SLC35F3: variants seen among roughly 807,000 people sequenced by gnomAD.
The protein encoded by SLC35F3 is putative thiamine transporter SLC35F3.
In SLC35F3, 25 loss-of-function variants were observed where a neutral mutation model predicts 49.9. The observed-to-expected ratio is 0.50, with a 90% CI of 0.37 to 0.70. The LOEUF (loss-of-function observed/expected upper bound fraction) is 0.70, where lower values mean the gene tolerates loss of function less well. Ranked by LOEUF, SLC35F3 falls within the 30% of genes least tolerant of loss-of-function variation. The probability of loss-of-function intolerance (pLI) is 0.00; values close to 1 mark genes in which losing one functional copy is unlikely to be tolerated. For missense variants in SLC35F3, 525 were observed against 639.8 expected (o/e 0.82, Z 1.94); for synonymous variants, 275 against 265.4 (o/e 1.04, Z -0.35).
rs545865834 is a variant in SLC35F3, at chr1:234,136,493, G to A, written c.284-94924G>A. On this transcript the variant is annotated intron_variant, in intron 2 of 7. Transcript: ENST00000366618. ...CTCAAGTAGCTGGGATTACAAGCAT[G>A]TACCACAGCACCCAGCTCCCTTTAT... 1.5e-4 allele frequency among the ~76,000 whole-genome samples: 23 copies of A among 152,130 alleles called. 1 individual carries two copies. The South Asian group carries it at 4.8e-3, about 32-fold the overall frequency.
At chr1:234,306,232 C>G (rs1303003070) in intron 3 of SLC35F3, among the ~76,000 whole-genome samples, 1 of 152,164 alleles carries the variant, frequency 6.6e-6, no homozygotes. Flanking sequence ...GCAATCTCAG[C>G]TCACTGCAAC....
intron 2 of SLC35F3, among the ~76,000 whole-genome samples, chr1:233,995,777 G>A (rs1347848070): frequency 6.6e-6 from 1 of 152,138 alleles, no homozygotes; most frequent in African/African-American, 2.4e-5. Context: ...AAGTCAGTGA[G>A]CCTGTGGACT....
intron 2 of SLC35F3, among the ~76,000 whole-genome samples, chr1:234,178,501 A>G (rs1310101574): frequency 6.6e-6 from 1 of 151,294 alleles, no homozygotes; most frequent in Non-Finnish European, 1.5e-5. Context: ...TTTTAGGTTC[A>G]CAGCAAAACT....
At chr1:234,148,620 T>C (rs978447812) in intron 2 of SLC35F3, among the ~76,000 whole-genome samples, 6 of 152,184 alleles carry the variant, frequency 3.9e-5, no homozygotes, top group African/African-American at 1.4e-4. Flanking sequence ...TGATGATTTA[T>C]TTAGAAAAGA....
chr1:234,274,612 G>C (rs1224231001), intron 3 of SLC35F3: 2 of 152,242 alleles, frequency 1.3e-5, no homozygotes, highest in Non-Finnish European at 2.9e-5. Flanking sequence ...AGGGCTCCCT[G>C]CTGACAGTAG....
chr1:234,242,945 A>G (rs575959914), intron 3 of SLC35F3, among the ~76,000 whole-genome samples: 1 of 152,346 alleles, frequency 6.6e-6, no homozygotes, highest in East Asian at 1.9e-4. Context: ...GAACTTTGTC[A>G]AAGAAAGACT....
At chr1:234,074,958 T>G (rs992468547) in intron 2 of SLC35F3, among the ~76,000 whole-genome samples, 1 of 152,160 alleles carries the variant, frequency 6.6e-6, no homozygotes, top group African/African-American at 2.4e-5. Flanking sequence ...AGCCTGAGCT[T>G]GGGCTGTGAC....
chr1:233,981,799 T>C (rs1413230532), intron 2 of SLC35F3, among the ~76,000 whole-genome samples: 4 of 152,254 alleles, frequency 2.6e-5, no homozygotes, highest in African/African-American at 9.6e-5. Flanking sequence ...GTGTGAATGA[T>C]CTCATTTCTC....
chr1:234,188,695 C>A lies in SLC35F3; in HGVS notation c.284-42722C>A, dbSNP rs551117182. On this transcript the variant is annotated intron_variant, in intron 2 of 7. Coordinates refer to ENST00000366618, the MANE Select transcript of SLC35F3 (RefSeq NM_173508.4). The stretch of plus-strand genomic sequence containing the variant: ...CCACCTGACCCTCCCTTTACTACCA[C>A]AGCTGATGCTCTCTCGAAAGCGCCA... Among the ~76,000 whole-genome samples, 170 of 152,288 alleles carry A rather than the reference C, an allele frequency of 1.1e-3. 1 individual carries two copies. Among genetic ancestry groups the A allele is most frequent in the African/African-American group, 4.1e-3 (169 of 41,548 alleles).
chr1:234,126,877 T>G (rs1665656510), intron 2 of SLC35F3, among the ~76,000 whole-genome samples: 1 of 152,124 alleles, frequency 6.6e-6, no homozygotes, highest in African/African-American at 2.4e-5. Flanking sequence ...TTAATTTTTG[T>G]GTAGAGATGG....
intron 2 of SLC35F3, among the ~76,000 whole-genome samples, chr1:233,951,125 G>A (rs1662600504): frequency 6.6e-6 from 1 of 150,930 alleles, no homozygotes; most frequent in African/African-American, 2.5e-5. Context: ...AAGTATGCCT[G>A]GACATGGTAA....
In SLC35F3 at chr1:234,267,160, A is replaced by G. The variant is rs1425644009; in HGVS notation, c.608+35419A>G. 2.9e-5 allele frequency among the ~76,000 whole-genome samples: 4 copies of G among 138,184 alleles called. No individual in the cohort carries two copies. In the Admixed American group the frequency reaches 3.0e-4, roughly 10 times the overall value. The allele number at this position is 138,184 out of a possible 152,430, so 90.7% of individuals were successfully genotyped here. On this transcript the variant is annotated intron_variant, in intron 3 of 7. Coordinates refer to ENST00000366618, the MANE Select transcript of SLC35F3 (RefSeq NM_173508.4). The stretch of plus-strand genomic sequence containing the variant: ...CCTTAATCCATTTAACCCTGAGTGG[A>G]CACAACACATGTTTCAGAGAGCACA...
intron 2 of SLC35F3, chr1:234,213,349 C>T (rs1667069712): frequency 6.6e-6 from 1 of 152,212 alleles, no homozygotes; most frequent in African/African-American, 2.4e-5. Flanking sequence ...CTCAACTGAT[C>T]CTTGAGGCTG....
intron 2 of SLC35F3, among the ~76,000 whole-genome samples, chr1:234,092,505 A>C (rs760668415): frequency 6.6e-6 from 1 of 152,194 alleles, no homozygotes; most frequent in Non-Finnish European, 1.5e-5. Context: ...GCACTGTGAA[A>C]AGCCTTGGCT....
At chr1:234,048,664 G>A (rs1664329686) in intron 2 of SLC35F3, among the ~76,000 whole-genome samples, 1 of 152,260 alleles carries the variant, frequency 6.6e-6, no homozygotes, top group African/African-American at 2.4e-5. Flanking sequence ...ATGCCACCTA[G>A]TAGCTTGGGG....
At chr1:234,156,398 T>C (rs551069617) in intron 2 of SLC35F3, among the ~76,000 whole-genome samples, 2 of 152,260 alleles carry the variant, frequency 1.3e-5, no homozygotes, top group Admixed American at 6.5e-5. Flanking sequence ...TCGAGAAATG[T>C]ACCCAAAAGC....
chr1:234,106,812 G>A (rs1032135020), intron 2 of SLC35F3, among the ~76,000 whole-genome samples: 6 of 152,128 alleles, frequency 3.9e-5, no homozygotes, highest in Non-Finnish European at 7.3e-5. Context: ...AACCAACAGG[G>A]TTCCATGAGG....
At chr1:234,000,996 G>A (rs1663544926) in intron 2 of SLC35F3, among the ~76,000 whole-genome samples, 1 of 152,224 alleles carries the variant, frequency 6.6e-6, no homozygotes, top group Non-Finnish European at 1.5e-5. Flanking sequence ...ACGCCAAGAG[G>A]CAGGAGTACA....
intron 2 of SLC35F3, among the ~76,000 whole-genome samples, chr1:234,089,702 T>C (rs958343306): frequency 2.6e-5 from 4 of 152,060 alleles, no homozygotes; most frequent in Admixed American, 2.0e-4. Context: ...AAAATGAGTG[T>C]GTGCACCAGC....
Sources: gnomAD v4.1 joint callset for allele counts (sites outside exome capture counted in the v4.1 genomes callset) on GRCh38, gnomAD v4.1.1 for gene constraint, MANE v1.5 for transcripts, NCBI Gene and HGNC (gene_info 2026-07-23, HGNC 2026-07-21) for gene names.